SDHAF3: variants seen among roughly 807,000 people sequenced by gnomAD.
SDHAF3 encodes succinate dehydrogenase complex assembly factor 3, also known as succinate dehydrogenase assembly factor 3, mitochondrial.
A neutral mutation model predicts 11.5 loss-of-function variants in SDHAF3; 18 were observed. That is an observed-to-expected ratio of 1.56 (90% CI 1.08 to 2.32). The LOEUF is 2.32. SDHAF3 is among the 30% of genes most tolerant of loss of function. The pLI is 0.00. For missense variants in SDHAF3, 200 were observed against 154.4 expected, an observed-to-expected ratio of 1.30 and a Z score of -1.57; for synonymous variants, 72 against 59.3, an observed-to-expected ratio of 1.21 and a Z score of -0.99.
Position 97,181,104 on chromosome 7 carries a change from A to G in SDHAF3, c.267A>G (p.Lys89=), listed in dbSNP as rs202212668. The part of the protein sequence containing the change: ...ACFGTFLPEE[K]LNDFRDEQIG... ...TTGGCACCTTCCTCCCAGAAGAAAA[A>G]CTTAATGACTTTCGTGATGAACAAA... The change falls in exon 2 of 2, where the codon AAA becomes AAG. Residue 89 remains lysine (K), a synonymous_variant. Coordinates refer to ENST00000432641, the MANE Select transcript of SDHAF3 (RefSeq NM_020186.3). The G allele has an allele frequency of 3.1e-6, 5 of 1,614,056 alleles. No homozygotes were observed. Among genetic ancestry groups the G allele is most frequent in the Non-Finnish European group, 4.2e-6 (5 of 1,179,948 alleles).
chr7:97,160,326 C>T (rs1205383038), intron 1 of SDHAF3, among the ~76,000 whole-genome samples: 1 of 149,560 alleles, frequency 6.7e-6, no homozygotes, highest in Non-Finnish European at 1.5e-5. Flanking sequence ...GCGCCTCTGC[C>T]CAGCCGCCCC....
chr7:97,164,054 TC>T (rs1475618549), intron 1 of SDHAF3, among the ~76,000 whole-genome samples: 2 of 151,770 alleles, frequency 1.3e-5, no homozygotes, highest in Admixed American at 6.6e-5. Flanking sequence ...TTCAAGCGAT[TC>T]CCCCTCAGCC....
chr7:97,179,220 CTT>C (rs1401441814), intron 1 of SDHAF3, among the ~76,000 whole-genome samples: 3 of 152,200 alleles, frequency 2.0e-5, no homozygotes, highest in African/African-American at 7.2e-5. Flanking sequence ...CAGTGCCACA[CTT>C]TTGTTTAATG....
At chr7:97,123,757 C>T (rs1791533581) in intron 1 of SDHAF3, among the ~76,000 whole-genome samples, 2 of 147,250 alleles carry the variant, frequency 1.4e-5, no homozygotes, top group African/African-American at 2.5e-5. Context: ...TGATGATGAG[C>T]TTTTCTTATG....
chr7:97,127,753 A>G (rs1396073183), intron 1 of SDHAF3, among the ~76,000 whole-genome samples: 1 of 152,152 alleles, frequency 6.6e-6, no homozygotes, highest in Non-Finnish European at 1.5e-5. Flanking sequence ...AATGGATTGT[A>G]TGTGTCAGGG....
chr7:97,177,966 T>A (rs1422295999), intron 1 of SDHAF3, among the ~76,000 whole-genome samples: 1 of 152,194 alleles, frequency 6.6e-6, no homozygotes, highest in Non-Finnish European at 1.5e-5. Context: ...AATTTTTAAT[T>A]TTTTTCCTGG....
intron 1 of SDHAF3, chr7:97,135,168 C>T (rs565810689): frequency 1.3e-5 from 2 of 152,064 alleles, no homozygotes; most frequent in South Asian, 4.1e-4. Flanking sequence ...GCTTTACCCC[C>T]TTATTATTGT....
At chr7:97,175,632 C>A (rs541914278) in intron 1 of SDHAF3, among the ~76,000 whole-genome samples, 4 of 152,278 alleles carry the variant, frequency 2.6e-5, no homozygotes, top group South Asian at 2.1e-4. Flanking sequence ...AGACTATAAG[C>A]AAGTTTAATA....
At chr7:97,160,176 G>A (rs1475194796) in intron 1 of SDHAF3, among the ~76,000 whole-genome samples, 4 of 137,272 alleles carry the variant, frequency 2.9e-5, no homozygotes, top group Admixed American at 7.3e-5. Context: ...GCCCCTGCCC[G>A]GCCACCCATC....
At chr7:97,161,641 T>C (rs1789412805) in intron 1 of SDHAF3, among the ~76,000 whole-genome samples, 1 of 152,128 alleles carries the variant, frequency 6.6e-6, no homozygotes, top group Admixed American at 6.5e-5. Flanking sequence ...TGTGTACATA[T>C]ATTCTCCTTG....
chr7:97,122,610 A>G (rs775700666), intron 1 of SDHAF3, among the ~76,000 whole-genome samples: 5 of 152,094 alleles, frequency 3.3e-5, no homozygotes, highest in Non-Finnish European at 5.9e-5. Context: ...GGTTTGGAGC[A>G]TGATACCAGT....
At chr7:97,132,113 A>C (rs540346429) in intron 1 of SDHAF3, among the ~76,000 whole-genome samples, 2 of 152,290 alleles carry the variant, frequency 1.3e-5, no homozygotes, top group South Asian at 4.1e-4. Flanking sequence ...ATTAAGGACA[A>C]TTTTTAAAAT....
intron 1 of SDHAF3, among the ~76,000 whole-genome samples, chr7:97,151,227 T>C (rs1789214229): frequency 6.6e-6 from 1 of 152,178 alleles, no homozygotes; most frequent in Non-Finnish European, 1.5e-5. Flanking sequence ...GAGAAAGGCA[T>C]ACGGATTTAT....
intron 1 of SDHAF3, among the ~76,000 whole-genome samples, chr7:97,177,435 C>T (rs1046625534): frequency 6.6e-6 from 1 of 151,842 alleles, no homozygotes; most frequent in African/African-American, 2.4e-5. Flanking sequence ...CCGGGAGGCA[C>T]AGCTTGTAGT....
At chr7:97,177,148 C>T (rs1789690594) in intron 1 of SDHAF3, among the ~76,000 whole-genome samples, 1 of 151,864 alleles carries the variant, frequency 6.6e-6, no homozygotes, top group Non-Finnish European at 1.5e-5. Flanking sequence ...TTGGAACTTG[C>T]TAAGCTTCTT....
chr7:97,125,087 T>G (rs2031278431), intron 1 of SDHAF3, among the ~76,000 whole-genome samples: 1 of 152,222 alleles, frequency 6.6e-6, no homozygotes, highest in Admixed American at 6.5e-5. Flanking sequence ...AAGGGAATGC[T>G]TTATCATTTT....
intron 1 of SDHAF3, among the ~76,000 whole-genome samples, chr7:97,151,759 A>G (rs533539837): frequency 9.6e-4 from 146 of 152,174 alleles, no homozygotes; most frequent in Middle Eastern, 3.4e-3. Context: ...TCGGCCTCCC[A>G]AAGTGCTGGG....
At chr7:97,166,314 C>T (rs1789503596) in intron 1 of SDHAF3, among the ~76,000 whole-genome samples, 1 of 152,214 alleles carries the variant, frequency 6.6e-6, no homozygotes, top group Admixed American at 6.5e-5. Flanking sequence ...TCAGTAAATA[C>T]ATGTAAGATG....
intron 1 of SDHAF3, among the ~76,000 whole-genome samples, chr7:97,119,058 T>A (rs1791452067): frequency 6.6e-6 from 1 of 152,218 alleles, no homozygotes; most frequent in Admixed American, 6.5e-5. Context: ...ACATTTTAAG[T>A]GTCAGATCAC....
Sources: allele counts gnomAD v4.1 joint callset (sites outside exome capture counted in the v4.1 genomes callset), GRCh38; gene constraint gnomAD v4.1.1; transcripts MANE v1.5; gene names NCBI Gene and HGNC (gene_info 2026-07-23, HGNC 2026-07-21).